Variants in GLIS3 observed in about 807,000 individuals in gnomAD.
GLIS3 encodes the protein GLIS family zinc finger 3.
GLIS3 carries 53 observed loss-of-function variants against 78.6 expected under a neutral mutation model. That is an observed-to-expected ratio of 0.67 (90% confidence interval 0.54 to 0.85). GLIS3 has a LOEUF of 0.85. Among genes scored for constraint, GLIS3 ranks in the 40% least tolerant of loss-of-function variants. The pLI is 0.00. For synonymous variants in GLIS3, 684 were observed against 509.9 expected (o/e 1.34, Z -4.60); for missense variants, 1,703 against 1,231.1 (o/e 1.38, Z -5.74).
intron 6 of GLIS3, among the ~76,000 whole-genome samples, chr9:3,922,789 A>G (rs1170828810): frequency 1.3e-5 from 2 of 152,196 alleles, no homozygotes; most frequent in Admixed American, 6.5e-5. Flanking sequence ...AAAGAGATGC[A>G]TATCTCAAAT....
chr9:4,015,190 GACCATGGC>G, intron 4 of GLIS3, among the ~76,000 whole-genome samples: 1 of 152,202 alleles, frequency 6.6e-6, no homozygotes, highest in Non-Finnish European at 1.5e-5. Context: ...AGAATTAGCT[GACCATGGC>G]ATGGAAGGCC....
At chr9:3,971,710 C>T (rs1427485875) in intron 4 of GLIS3, among the ~76,000 whole-genome samples, 1 of 152,178 alleles carries the variant, frequency 6.6e-6, no homozygotes, top group Middle Eastern at 3.2e-3. Context: ...CGTGCATTTA[C>T]ACTTAAGCCT....
At chr9:4,377,446 T>C in the GLIS3 span, among the ~76,000 whole-genome samples, 1 of 135,828 alleles carries the variant, frequency 7.4e-6, no homozygotes, top group Non-Finnish European at 1.7e-5. Context: ...GGCCACAGCC[T>C]TCCCTGCTTT....
the GLIS3 span, among the ~76,000 whole-genome samples, chr9:4,365,907 G>T: frequency 6.6e-6 from 1 of 152,150 alleles, no homozygotes; most frequent in South Asian, 2.1e-4. Context: ...GAATGTGATG[G>T]GTGTTCATGT....
intron 4 of GLIS3, among the ~76,000 whole-genome samples, chr9:4,018,806 A>G (rs979700785): frequency 6.6e-6 from 1 of 152,162 alleles, no homozygotes; most frequent in Non-Finnish European, 1.5e-5. Context: ...CAATGGAGGG[A>G]AAGAATATAA....
intron 2 of GLIS3, among the ~76,000 whole-genome samples, chr9:4,254,122 GTTCAT>G (rs1210530989): frequency 1.3e-5 from 2 of 152,168 alleles, no homozygotes; most frequent in African/African-American, 2.4e-5. Context: ...AAAACTGGTT[GTTCAT>G]TTCAACAAAC....
At chr9:4,217,812 A>G (rs1431282896) in intron 2 of GLIS3, among the ~76,000 whole-genome samples, 1 of 152,244 alleles carries the variant, frequency 6.6e-6, no homozygotes, top group African/African-American at 2.4e-5. Flanking sequence ...AAATTAAAAC[A>G]AACAAAGGGA....
chr9:4,264,053 C>T (rs1825764290), intron 2 of GLIS3, among the ~76,000 whole-genome samples: 1 of 152,172 alleles, frequency 6.6e-6, no homozygotes, highest in Admixed American at 6.5e-5. Context: ...GTATATCCAA[C>T]CATGTACCCA....
chr9:3,829,780 T>A (rs755603421), intron 9 of GLIS3, among the ~76,000 whole-genome samples: 4 of 152,202 alleles, frequency 2.6e-5, no homozygotes, highest in Non-Finnish European at 5.9e-5. Flanking sequence ...TGAAGAGTCC[T>A]GGACATTCAA....
At chr9:4,464,390 T>A in the GLIS3 span, among the ~76,000 whole-genome samples, 36 of 151,740 alleles carry the variant, frequency 2.4e-4, no homozygotes, top group South Asian at 3.5e-3. Flanking sequence ...TTTATTTTTT[T>A]AATTTTATTT....
At chr9:4,349,766 T>A (rs1040018037), upstream of GLIS3, among the ~76,000 whole-genome samples, 4 of 151,384 alleles carry the variant, frequency 2.6e-5, no homozygotes, top group African/African-American at 7.3e-5. Context: ...AAAGGAAAAA[T>A]ATCCGGGTAC....
chr9:3,908,647 A>G (rs571445649), intron 6 of GLIS3, among the ~76,000 whole-genome samples: 2 of 150,432 alleles, frequency 1.3e-5, no homozygotes, highest in African/African-American at 4.9e-5. Context: ...TTCCCTAACA[A>G]TGCGGGGATT....
the GLIS3 span, among the ~76,000 whole-genome samples, chr9:4,437,997 G>T: frequency 1.3e-5 from 2 of 152,220 alleles, no homozygotes; most frequent in East Asian, 1.9e-4. Flanking sequence ...AGTTCTCAGG[G>T]AGTCAAAAGT....
chr9:4,321,350 A>G (rs1412042706), intron 2 of GLIS3, among the ~76,000 whole-genome samples: 1 of 118,642 alleles, frequency 8.4e-6, no homozygotes, highest in Non-Finnish European at 1.6e-5. Context: ...TGAACCCAGG[A>G]GGCGGAGCTT....
At chr9:4,172,934 T>A (rs1326557487) in intron 2 of GLIS3, among the ~76,000 whole-genome samples, 1 of 152,182 alleles carries the variant, frequency 6.6e-6, no homozygotes, top group Non-Finnish European at 1.5e-5. Context: ...GGTTGGTTGC[T>A]CTTTCGATTT....
chr9:4,086,592 T>C (rs1380772257), intron 4 of GLIS3, among the ~76,000 whole-genome samples: 1 of 152,208 alleles, frequency 6.6e-6, no homozygotes, highest in Admixed American at 6.5e-5. Flanking sequence ...GTGAAAAGCA[T>C]GTGTCTCCAG....
chr9:4,487,752 A>G, the GLIS3 span, among the ~76,000 whole-genome samples: 2 of 151,858 alleles, frequency 1.3e-5, no homozygotes, highest in Non-Finnish European at 2.9e-5. Context: ...CAGTGGTACA[A>G]TTATAGCTCC....
intron 9 of GLIS3, among the ~76,000 whole-genome samples, chr9:3,848,356 G>C (rs1819193334): frequency 2.6e-5 from 4 of 152,056 alleles, no homozygotes; most frequent in Admixed American, 2.6e-4. Flanking sequence ...CAAAAAATTA[G>C]CTGGGCGTGG....
chr9:3,857,122 T>C (rs374295523), intron 8 of GLIS3, among the ~76,000 whole-genome samples: 79 of 152,344 alleles, frequency 5.2e-4, no homozygotes, highest in African/African-American at 1.8e-3. Flanking sequence ...AGTAGGGGAC[T>C]GACAGAATAT....
Sources: allele counts gnomAD v4.1 joint callset (sites outside exome capture counted in the v4.1 genomes callset), GRCh38; gene constraint gnomAD v4.1.1; transcripts MANE v1.5; gene names NCBI Gene and HGNC (gene_info 2026-07-23, HGNC 2026-07-21).